Variants in FOXP1 observed in about 807,000 individuals in gnomAD.
FOXP1 encodes forkhead box protein P1.
Under a neutral mutation model 98.2 loss-of-function variants are expected in FOXP1, and 15 were observed. That is an observed-to-expected ratio of 0.15 (90% CI 0.10 to 0.24). The LOEUF (loss-of-function observed/expected upper bound fraction) is 0.24, where lower values mean the gene tolerates loss of function less well. Ranked by LOEUF, FOXP1 falls within the 10% of genes least tolerant of loss-of-function variation. FOXP1 has a pLI of 1.00. For synonymous variants in FOXP1, 371 were observed against 314.5 expected (o/e 1.18, Z -1.90); for missense variants, 633 against 848.5 (o/e 0.75, Z 3.15).
chr3:71,396,964 GTGTGTA>G (rs1560424415), intron 3 of FOXP1, among the ~76,000 whole-genome samples: 1 of 15,610 alleles, frequency 6.4e-5, no homozygotes, highest in African/African-American at 2.8e-4. Flanking sequence ...ATATATATAT[GTGTGTA>G]TATATATATA....
intron 5 of FOXP1, among the ~76,000 whole-genome samples, chr3:71,207,377 C>A (rs562770718): frequency 6.6e-6 from 1 of 152,114 alleles, no homozygotes; most frequent in Non-Finnish European, 1.5e-5. Flanking sequence ...AGCCCCTCAC[C>A]GCTCTAGTGG....
chr3:71,006,965 C>T (rs1458980430), intron 12 of FOXP1, among the ~76,000 whole-genome samples: 1 of 152,052 alleles, frequency 6.6e-6, no homozygotes, highest in East Asian at 1.9e-4. Flanking sequence ...TTATCTTTGG[C>T]AAACTTGTCT....
intron 5 of FOXP1, among the ~76,000 whole-genome samples, chr3:71,233,679 C>T (rs1202241312): frequency 1.4e-5 from 2 of 147,288 alleles, no homozygotes; most frequent in African/African-American, 2.5e-5. Context: ...CTGCCTGCCT[C>T]GGCCTCGCAC....
At position 71,419,674 on chromosome 3, in the gene FOXP1, A is replaced by G. The variant is rs76170901; in HGVS notation, c.-167-60430T>C. On this transcript the variant is annotated intron_variant, in intron 3 of 20. Transcript: ENST00000649528. Reference sequence around the variant, plus strand: ...TTGGAGGTTTCTAGTCTAACTCAGCATTTCCCAAAGTGTGCTGCAAGTACC... The same window carrying G: ...TTGGAGGTTTCTAGTCTAACTCAGCGTTTCCCAAAGTGTGCTGCAAGTACC... 4.2e-3 allele frequency among the ~76,000 whole-genome samples: 640 copies of G among 152,260 alleles called. 6 individuals are homozygous for G. The highest frequency in any genetic ancestry group is 0.023 in the East Asian group (117 of 5,182).
intron 7 of FOXP1, among the ~76,000 whole-genome samples, chr3:71,110,133 G>C (rs1390771103): frequency 6.6e-6 from 1 of 152,064 alleles, no homozygotes; most frequent in African/African-American, 2.4e-5. Context: ...TAAAAACCCT[G>C]TAACAGGCAA....
chr3:71,361,485 G>T (rs2107913784), intron 3 of FOXP1, among the ~76,000 whole-genome samples: 1 of 152,274 alleles, frequency 6.6e-6, no homozygotes, highest in East Asian at 1.9e-4. Context: ...AATGTTATAA[G>T]CCTGTAAACT....
chr3:71,321,195 C>A (rs1230310272), intron 4 of FOXP1, among the ~76,000 whole-genome samples: 2 of 151,864 alleles, frequency 1.3e-5, no homozygotes, highest in African/African-American at 4.8e-5. Flanking sequence ...TCAGATGAGC[C>A]TTAGTGCCAT....
chr3:71,409,442 A>C (rs968668952), intron 3 of FOXP1, among the ~76,000 whole-genome samples: 18 of 152,328 alleles, frequency 1.2e-4, no homozygotes, highest in Non-Finnish European at 2.6e-4. Context: ...GAATGAATGA[A>C]TGAATATGCT....
At chr3:71,124,533 C>T (rs1237049251) in intron 6 of FOXP1, among the ~76,000 whole-genome samples, 1 of 151,164 alleles carries the variant, frequency 6.6e-6, no homozygotes, top group East Asian at 1.9e-4. Flanking sequence ...AAAAATGTTT[C>T]AAATATCACT....
intron 4 of FOXP1, among the ~76,000 whole-genome samples, chr3:71,327,052 G>C (rs962266341): frequency 6.6e-6 from 1 of 152,030 alleles, no homozygotes; most frequent in African/African-American, 2.4e-5. Flanking sequence ...AAGTTGAACT[G>C]CACTGCCCAT....
At chr3:71,251,710 G>A (rs376843511) in intron 5 of FOXP1, among the ~76,000 whole-genome samples, 35 of 152,298 alleles carry the variant, frequency 2.3e-4, no homozygotes, top group Admixed American at 1.4e-3. Context: ...AACAAAGTGC[G>A]TTGGAGTTAC....
intron 3 of FOXP1, among the ~76,000 whole-genome samples, chr3:71,482,923 C>T (rs1246558351): frequency 6.6e-6 from 1 of 151,830 alleles, no homozygotes; most frequent in African/African-American, 2.4e-5. Context: ...CAACCTCCAC[C>T]TCCAGGATTC....
chr3:71,331,829 CCT>C (rs1232571660), intron 4 of FOXP1, among the ~76,000 whole-genome samples: 2 of 152,128 alleles, frequency 1.3e-5, no homozygotes, highest in Non-Finnish European at 2.9e-5. Context: ...CAATCAGCAC[CCT>C]GTGTCTAGCT....
intron 11 of FOXP1, among the ~76,000 whole-genome samples, chr3:71,033,935 C>A (rs925957940): frequency 2.6e-5 from 4 of 152,126 alleles, no homozygotes; most frequent in Admixed American, 6.5e-5. Context: ...GGTTACCTCC[C>A]CGACAGATAG....
chr3:71,553,219 C>T (rs1185095264), intron 2 of FOXP1, among the ~76,000 whole-genome samples: 3 of 151,966 alleles, frequency 2.0e-5, no homozygotes, highest in African/African-American at 7.2e-5. Context: ...AATATAACAG[C>T]CCAAATATTT....
intron 3 of FOXP1, among the ~76,000 whole-genome samples, chr3:71,418,893 G>A (rs940134491): frequency 3.3e-5 from 5 of 150,174 alleles, no homozygotes; most frequent in Non-Finnish European, 7.4e-5. Flanking sequence ...GGTGAGGCCA[G>A]GAGTTCCAGA....
At chr3:71,335,822 TG>T in intron 4 of FOXP1, among the ~76,000 whole-genome samples, 1 of 151,880 alleles carries the variant, frequency 6.6e-6, no homozygotes, top group South Asian at 2.1e-4. Flanking sequence ...TTGGCCAACG[TG>T]GTGAAACCCC....
chr3:71,450,334 G>A (rs952880216), intron 3 of FOXP1, among the ~76,000 whole-genome samples: 1 of 152,180 alleles, frequency 6.6e-6, no homozygotes, highest in Non-Finnish European at 1.5e-5. Flanking sequence ...ATACTGATAA[G>A]GAATGGGACG....
chr3:71,525,330 T>C (rs1444759782), intron 2 of FOXP1, among the ~76,000 whole-genome samples: 1 of 152,232 alleles, frequency 6.6e-6, no homozygotes, highest in East Asian at 1.9e-4. Context: ...AATTATGGGC[T>C]GCTACAAAAT....
Sources: allele counts gnomAD v4.1 joint callset (sites outside exome capture counted in the v4.1 genomes callset), GRCh38; gene constraint gnomAD v4.1.1; transcripts MANE v1.5; gene names NCBI Gene and HGNC (gene_info 2026-07-23, HGNC 2026-07-21).